The following TTLL1 variants were observed in gnomAD, a reference collection of about 807,000 sequenced individuals.
The protein encoded by TTLL1 is polyglutamylase complex subunit TTLL1.
In TTLL1, 33 loss-of-function variants were observed where a neutral mutation model predicts 47.8. That is an observed-to-expected ratio of 0.69 (90% CI 0.52 to 0.92). The LOEUF (loss-of-function observed/expected upper bound fraction) is 0.92, where lower values mean the gene tolerates loss of function less well. TTLL1 is among the 40% of genes least tolerant of loss of function. TTLL1 has a pLI of 0.00. For synonymous variants in TTLL1, 225 were observed against 214.1 expected (o/e 1.05, Z -0.45); for missense variants, 488 against 547.5 (o/e 0.89, Z 1.08).
intron 8 of TTLL1, 161 bp from the exon 9 acceptor site, chr22:43,052,048 C>G: frequency 1.5e-6 from 1 of 651,578 alleles, no homozygotes. Context: ...CCCTCTTCCT[C>G]CCGCAGAGCT....
intron 8 of TTLL1, among the ~76,000 whole-genome samples, chr22:43,056,565 C>T (rs1471253919): frequency 6.7e-6 from 1 of 150,162 alleles, no homozygotes; most frequent in East Asian, 2.0e-4. Flanking sequence ...GCGTGGATCA[C>T]CTCAGGTCAG....
intron 8 of TTLL1, among the ~76,000 whole-genome samples, chr22:43,054,753 T>C (rs1241050212): frequency 1.7e-5 from 2 of 119,938 alleles, no homozygotes; most frequent in Non-Finnish European, 3.3e-5. Flanking sequence ...TGAGACGGAG[T>C]CTTGCTCTGT....
Position 43,063,835 on chromosome 22 carries a change from T to A in TTLL1, c.725A>T (p.Asn242Ile). The A allele has an allele frequency of 3.7e-6, 6 of 1,613,998 alleles. No homozygotes were observed. The highest frequency in any genetic ancestry group is 4.2e-6 in the Non-Finnish European group (5 of 1,179,890). ...ELDNMFVHLTNVAIQKHGEDY... is the reference protein window; with the variant it reads ...ELDNMFVHLTIVAIQKHGEDY... The stretch of plus-strand genomic sequence containing the variant: ...CACCCCGTGTTTCTGGATGGCGACG[T>A]TGGTGAGATGAACGAACATGTTGTC... Residue 242 changes from asparagine to isoleucine, a missense_variant, in exon 7 of 11, where the codon AAC (asparagine) becomes ATC (isoleucine). Transcript: ENST00000266254.
rs1275968114 is a variant in TTLL1, at chr22:43,063,880, G to T, written c.680C>A (p.Thr227Asn). Residue 227 changes from threonine (T) to asparagine (N), a missense_variant, in exon 7 of 11, where the codon ACC becomes AAC. By Grantham distance (65) the Thr-to-Asn change is moderately conservative. Coordinates refer to ENST00000266254, the MANE Select transcript of TTLL1 (RefSeq NM_012263.5). ...GTTGTCCAGCTCACTGGTACTCGGG[G>T]TGTATTTCACTGTGCAGAACCGGCA... ...GFCRFCTVKY[T>N]PSTSELDNMF... The T allele has an allele frequency of 6.2e-7, 1 of 1,614,144 alleles. No homozygotes were observed. Among genetic ancestry groups the T allele is most frequent in the African/African-American group, 1.3e-5 (1 of 75,052 alleles).
intron 1 of TTLL1, among the ~76,000 whole-genome samples, chr22:43,085,976 C>T (rs1393033073): frequency 2.6e-5 from 4 of 152,166 alleles, no homozygotes; most frequent in Non-Finnish European, 5.9e-5. Context: ...GCGTGGGGCT[C>T]CAAAATCGTG....
intron 4 of TTLL1, 97 bp downstream of exon 4, chr22:43,069,539 C>T (rs1927971908): frequency 1.5e-5 from 24 of 1,561,506 alleles, no homozygotes; most frequent in Non-Finnish European, 1.8e-5. Flanking sequence ...GACATGCTCA[C>T]GCATCAAAGC....
rs890166396 is a variant in TTLL1, at chr22:43,039,773, G to T, written c.*3C>A. ...AGTAGTTTTGATAAGGTCCAGGTGG[G>T]ACTCACTTCCAGGTGGTGAGGACCG... On this transcript the variant is annotated 3_prime_UTR_variant, in exon 11 of 11. Coordinates refer to ENST00000266254, the MANE Select transcript of TTLL1 (RefSeq NM_012263.5). The T allele has an allele frequency of 4.4e-6, 7 of 1,608,534 alleles. No homozygotes were observed. The African/African-American group carries it at 8.0e-5, about 18-fold the overall frequency.
intron 10 of TTLL1, 32 bp downstream of exon 10, chr22:43,046,375 CAGA>C (rs1926126180): frequency 6.2e-7 from 1 of 1,608,104 alleles, no homozygotes. Context: ...TTCGGAAACA[CAGA>C]AGGACAAGCG....
chr22:43,086,660 T>C (rs1433083668), intron 1 of TTLL1, among the ~76,000 whole-genome samples: 2 of 152,146 alleles, frequency 1.3e-5, no homozygotes, highest in African/African-American at 2.4e-5. Context: ...AGTTCAACTG[T>C]GGCCGGGGAA....
intron 10 of TTLL1, among the ~76,000 whole-genome samples, chr22:43,041,869 A>G (rs887127239): frequency 6.6e-6 from 1 of 152,120 alleles, no homozygotes; most frequent in South Asian, 2.1e-4. Flanking sequence ...CAGGCTCTGC[A>G]CCAGGGTGGA....
At chr22:43,047,124 C>T (rs1926205556) in intron 9 of TTLL1, among the ~76,000 whole-genome samples, 1 of 152,172 alleles carries the variant, frequency 6.6e-6, no homozygotes, top group African/African-American at 2.4e-5. Flanking sequence ...ATCGCACAAA[C>T]ATTTTGGGCC....
chr22:43,051,715 C>A, intron 9 of TTLL1, 86 bp downstream of exon 9: 1 of 1,283,414 alleles, frequency 7.8e-7, no homozygotes, highest in Non-Finnish European at 1.1e-6. Flanking sequence ...CATCTGGGGC[C>A]TGGGGGACTG....
At chr22:43,056,729 G>A (rs1601670901) in intron 8 of TTLL1, among the ~76,000 whole-genome samples, 1 of 151,996 alleles carries the variant, frequency 6.6e-6, no homozygotes, top group South Asian at 2.1e-4. Flanking sequence ...AGGTTGCTAG[G>A]AGCCAAGATC....
At chr22:43,067,180 G>C (rs5996266) in intron 5 of TTLL1, among the ~76,000 whole-genome samples, 1 of 152,076 alleles carries the variant, frequency 6.6e-6, no homozygotes, top group Admixed American at 6.6e-5. Context: ...AGGCCCCTGG[G>C]CTTGCCACGA....
At chr22:43,081,394 T>C (rs1007480449) in intron 1 of TTLL1, among the ~76,000 whole-genome samples, 28 of 152,204 alleles carry the variant, frequency 1.8e-4, no homozygotes, top group African/African-American at 6.7e-4. Flanking sequence ...CTGACTCTGC[T>C]TTTGACAGTC....
intron 9 of TTLL1, among the ~76,000 whole-genome samples, chr22:43,050,525 G>GTT (rs1167444597): frequency 7.6e-6 from 1 of 131,666 alleles, no homozygotes; most frequent in Non-Finnish European, 1.6e-5. Flanking sequence ...TTTTTTTTTT[G>GTT]TTTGTTTGTT....
intron 3 of TTLL1, among the ~76,000 whole-genome samples, chr22:43,071,411 T>C (rs995708737): frequency 2.6e-5 from 4 of 151,990 alleles, no homozygotes; most frequent in African/African-American, 9.7e-5. Flanking sequence ...TTGTTTTGTT[T>C]TGTTTATTTG....
At chr22:43,070,279 C>G in intron 3 of TTLL1, 4 of 1,122,482 alleles carry the variant, frequency 3.6e-6, no homozygotes, top group Non-Finnish European at 4.8e-6. Context: ...TTTAAGGGCC[C>G]TGAGTCAGTA....
At position 43,039,598 on chromosome 22, in the gene TTLL1, C is replaced by A; in HGVS notation, c.*178G>T. The A allele has an allele frequency of 1.5e-6, 1 of 653,562 alleles. No homozygotes were observed. 40.5% of individuals were successfully genotyped at this position (653,562 alleles called of 1,614,324 possible). A position where few individuals can be genotyped will look rare whatever the true frequency, so the allele number is the denominator to read the frequency against. On this transcript the variant is annotated 3_prime_UTR_variant, in exon 11 of 11. Coordinates refer to ENST00000266254, the MANE Select transcript of TTLL1 (RefSeq NM_012263.5). Reference sequence around the variant, plus strand: ...AAAAAAAGAGCGAGTTTTATACATCCGCATGAATTGTTTCCTTTAGCACTA... The same window carrying A: ...AAAAAAAGAGCGAGTTTTATACATCAGCATGAATTGTTTCCTTTAGCACTA...
Sources: gnomAD v4.1 joint callset for allele counts (sites outside exome capture counted in the v4.1 genomes callset) on GRCh38, gnomAD v4.1.1 for gene constraint, MANE v1.5 for transcripts, NCBI Gene and HGNC (gene_info 2026-07-23, HGNC 2026-07-21) for gene names.